ZMAT4: variants seen among roughly 807,000 people sequenced by gnomAD.
ZMAT4 encodes zinc finger matrin-type 4.
A neutral mutation model predicts 28.7 loss-of-function variants in ZMAT4; 17 were observed. That is an observed-to-expected ratio of 0.59 (90% CI 0.41 to 0.89). The LOEUF is 0.89. ZMAT4 is among the 40% of genes least tolerant of loss of function. The probability of loss-of-function intolerance (pLI) is 0.00; values close to 1 mark genes in which losing one functional copy is unlikely to be tolerated. For missense variants in ZMAT4, 240 were observed against 283.8 expected (o/e 0.85, Z 1.11); for synonymous variants, 117 against 109.2 (o/e 1.07, Z -0.44).
intron 5 of ZMAT4, among the ~76,000 whole-genome samples, chr8:40,614,936 A>C (rs1805942992): frequency 6.6e-6 from 1 of 152,020 alleles, no homozygotes; most frequent in Non-Finnish European, 1.5e-5. Context: ...TTTAAGGTTA[A>C]TATTGTTATG....
At chr8:40,617,017 T>C (rs541923139) in intron 5 of ZMAT4, among the ~76,000 whole-genome samples, 101 of 152,234 alleles carry the variant, frequency 6.6e-4, no homozygotes, top group Non-Finnish European at 1.2e-3. Context: ...GGAAGTAAAT[T>C]TATCAAGAAA....
rs1331169399 is a variant in ZMAT4, at chr8:40,532,216, G to A, written c.*7C>T. Reference sequence around the variant, plus strand: ...GTTTTGTTCTTATGTCTTGATTGATGCTTTCACTACTTATTCTTCAGGCTA... The same window carrying A: ...GTTTTGTTCTTATGTCTTGATTGATACTTTCACTACTTATTCTTCAGGCTA... On this transcript the variant is annotated 3_prime_UTR_variant, in exon 7 of 7. Coordinates refer to ENST00000297737, the MANE Select transcript of ZMAT4 (RefSeq NM_024645.3). The A allele has an allele frequency of 5.6e-6, 9 of 1,597,408 alleles. No individual in the cohort carries two copies. In the African/African-American group the frequency reaches 1.2e-4, roughly 21 times the overall value.
At chr8:40,711,369 G>C (rs545284164) in intron 3 of ZMAT4, among the ~76,000 whole-genome samples, 1 of 152,148 alleles carries the variant, frequency 6.6e-6, no homozygotes, top group African/African-American at 2.4e-5. Context: ...GGCATCAACA[G>C]CTGCTAACAT....
At chr8:40,604,105 T>C (rs1051761118) in intron 5 of ZMAT4, among the ~76,000 whole-genome samples, 6 of 152,210 alleles carry the variant, frequency 3.9e-5, no homozygotes, top group African/African-American at 1.4e-4. Flanking sequence ...ATTTATCAGA[T>C]CTAGGAGCTT....
chr8:40,657,692 A>T lies in ZMAT4; in HGVS notation c.577+17012T>A, dbSNP rs1367816428. ...TTAGAAATTGTGACTTTAATGAGACAATGTATAAAGAAATGATTTTTTTCT... is the reference window on the plus strand; with the variant it reads ...TTAGAAATTGTGACTTTAATGAGACTATGTATAAAGAAATGATTTTTTTCT... On this transcript the variant is annotated intron_variant, in intron 5 of 6. Coordinates refer to ENST00000297737, the MANE Select transcript of ZMAT4 (RefSeq NM_024645.3). Among the ~76,000 whole-genome samples, 4 of 152,198 alleles carry T rather than the reference A, an allele frequency of 2.6e-5. No homozygotes were observed. In the East Asian group the frequency reaches 7.7e-4, roughly 29 times the overall value.
chr8:40,657,264 T>C (rs930448608), intron 5 of ZMAT4, among the ~76,000 whole-genome samples: 1 of 152,184 alleles, frequency 6.6e-6, no homozygotes, highest in Non-Finnish European at 1.5e-5. Flanking sequence ...TATTTATCAT[T>C]CCTGGTCATT....
At chr8:40,889,443 A>T (rs1818586421) in intron 1 of ZMAT4, among the ~76,000 whole-genome samples, 1 of 152,228 alleles carries the variant, frequency 6.6e-6, no homozygotes, top group Non-Finnish European at 1.5e-5. Context: ...TTTAGAAAGC[A>T]TGTTGTCTAA....
At chr8:40,738,814 C>T (rs1811882033) in intron 3 of ZMAT4, among the ~76,000 whole-genome samples, 1 of 152,122 alleles carries the variant, frequency 6.6e-6, no homozygotes, top group East Asian at 1.9e-4. Context: ...ACCTATAAAA[C>T]AGACTTTAAA....
At chr8:40,772,234 C>A (rs1462075457) in intron 2 of ZMAT4, among the ~76,000 whole-genome samples, 1 of 152,172 alleles carries the variant, frequency 6.6e-6, no homozygotes, top group Non-Finnish European at 1.5e-5. Context: ...GCCTTTACCC[C>A]CGATCCTAGG....
chr8:40,575,160 C>T (rs1282244491), intron 6 of ZMAT4, among the ~76,000 whole-genome samples: 1 of 152,096 alleles, frequency 6.6e-6, no homozygotes, highest in Non-Finnish European at 1.5e-5. Context: ...GGAAGTCAAC[C>T]CCAGGCTGTC....
At chr8:40,658,625 C>T (rs1182911530) in intron 5 of ZMAT4, among the ~76,000 whole-genome samples, 2 of 94,334 alleles carry the variant, frequency 2.1e-5, no homozygotes, top group Non-Finnish European at 5.1e-5. Context: ...CACATACACA[C>T]ACACACACAC....
At position 40,531,515 on chromosome 8, in the gene ZMAT4, C is replaced by G. The variant is rs1280960113; in HGVS notation, c.*708G>C. On this transcript the variant is annotated 3_prime_UTR_variant, in exon 7 of 7. Coordinates refer to ENST00000297737, the MANE Select transcript of ZMAT4 (RefSeq NM_024645.3). ...TGAAGACGTTTTTGCCTAAGAAGAT[C>G]ATCATGCAGGCAGACTAATTCTTTT... 2 of 152,614 alleles carry G rather than the reference C, an allele frequency of 1.3e-5. No homozygotes were observed. The highest frequency in any genetic ancestry group is 4.8e-5 in the African/African-American group (2 of 41,446). 9.5% of individuals were successfully genotyped at this position (152,614 alleles called of 1,614,324 possible). A position where few individuals can be genotyped will look rare whatever the true frequency, so the allele number is the denominator to read the frequency against.
At chr8:40,779,461 T>C (rs564690524) in intron 2 of ZMAT4, among the ~76,000 whole-genome samples, 51 of 151,912 alleles carry the variant, frequency 3.4e-4, no homozygotes, top group African/African-American at 1.1e-3. Context: ...GAGGTTTACA[T>C]TTCTAGAGGT....
Position 40,581,165 on chromosome 8 carries a change from T to C in ZMAT4, c.674A>G (p.Asn225Ser). ...AGAGTGAAAGCACAAAAGTACCTAC[T>C]TGGTCTGGTGTTTAGATCCTTTCAG... ...AHLKGSKHQT[N>S]LKNK Residue 225 changes from asparagine to serine, a missense_variant and splice_region_variant, in exon 6 of 7, where the codon AAC (asparagine) becomes AGC (serine). By Grantham distance (46) the Asn-to-Ser change is conservative. Coordinates refer to ENST00000297737, the MANE Select transcript of ZMAT4 (RefSeq NM_024645.3). The C allele has an allele frequency of 6.2e-7, 1 of 1,612,330 alleles. No individual in the cohort carries two copies. The highest frequency in any genetic ancestry group is 8.5e-7 in the Non-Finnish European group (1 of 1,178,782).
At chr8:40,781,868 T>C (rs1813851072) in intron 2 of ZMAT4, among the ~76,000 whole-genome samples, 1 of 138,668 alleles carries the variant, frequency 7.2e-6, no homozygotes, top group Non-Finnish European at 1.5e-5. Flanking sequence ...ATTCAACAAA[T>C]AATGATGGGA....
intron 1 of ZMAT4, among the ~76,000 whole-genome samples, chr8:40,861,143 G>C (rs2221861): frequency 0.022 from 3,328 of 152,196 alleles, 93 homozygotes; most frequent in Admixed American, 0.085. Context: ...ACTCTGCTAG[G>C]GCCAGGGGGG....
intron 3 of ZMAT4, among the ~76,000 whole-genome samples, chr8:40,713,673 C>T (rs759843077): frequency 2.6e-5 from 4 of 151,804 alleles, no homozygotes; most frequent in Non-Finnish European, 4.4e-5. Flanking sequence ...CTTTGGGAGG[C>T]GGAGGCAGGT....
At chr8:40,622,548 T>A (rs983490414) in intron 5 of ZMAT4, among the ~76,000 whole-genome samples, 1 of 152,356 alleles carries the variant, frequency 6.6e-6, no homozygotes, top group Admixed American at 6.5e-5. Flanking sequence ...GAGGGGATTA[T>A]CTTTGTTTGT....
At chr8:40,744,625 T>C (rs1812143607) in intron 3 of ZMAT4, among the ~76,000 whole-genome samples, 2 of 152,246 alleles carry the variant, frequency 1.3e-5, no homozygotes, top group East Asian at 3.9e-4. Context: ...ACAGAGTTCC[T>C]CCCCATTGAA....
Sources: allele counts gnomAD v4.1 joint callset (sites outside exome capture counted in the v4.1 genomes callset), GRCh38; gene constraint gnomAD v4.1.1; transcripts MANE v1.5; gene names NCBI Gene and HGNC (gene_info 2026-07-23, HGNC 2026-07-21).